The following CNTN1 variants were observed in gnomAD, a reference collection of about 807,000 sequenced individuals.
The protein encoded by CNTN1 is contactin-1.
A neutral mutation model predicts 126.4 loss-of-function variants in CNTN1; 38 were observed. That is an observed-to-expected ratio of 0.30 (90% CI 0.23 to 0.39). CNTN1 has a LOEUF of 0.39. Ranked by LOEUF, CNTN1 falls within the 10% of genes least tolerant of loss-of-function variation. The probability of loss-of-function intolerance (pLI) is 1.00; values close to 1 mark genes in which losing one functional copy is unlikely to be tolerated. For synonymous variants in CNTN1, 413 were observed against 422.6 expected, an observed-to-expected ratio of 0.98 and a Z score of 0.28; for missense variants, 1,009 against 1,248.4, an observed-to-expected ratio of 0.81 and a Z score of 2.89.
intron 1 of CNTN1, among the ~76,000 whole-genome samples, chr12:40,865,910 A>G (rs1486662701): frequency 6.6e-6 from 1 of 152,046 alleles, no homozygotes; most frequent in East Asian, 1.9e-4. Flanking sequence ...TACTCTTGGG[A>G]ATATTGACAT....
intron 1 of CNTN1, among the ~76,000 whole-genome samples, chr12:40,698,459 A>T (rs1941509686): frequency 6.6e-6 from 1 of 151,694 alleles, no homozygotes; most frequent in South Asian, 2.1e-4. Flanking sequence ...GATGGTCTTG[A>T]TCTCCTGACC....
intron 14 of CNTN1, among the ~76,000 whole-genome samples, chr12:40,955,858 G>A (rs2136995285): frequency 6.6e-6 from 1 of 152,158 alleles, no homozygotes; most frequent in South Asian, 2.1e-4. Context: ...AACATTCATA[G>A]CCAAGTAATG....
chr12:40,768,046 T>C (rs1473171441), intron 1 of CNTN1, among the ~76,000 whole-genome samples: 2 of 152,088 alleles, frequency 1.3e-5, no homozygotes, highest in Non-Finnish European at 2.9e-5. Flanking sequence ...CTGATAAAAA[T>C]AATTTTAAAA....
rs185082594 is a variant in CNTN1, at chr12:40,775,835, T to C, written c.-77+83243T>C. ...ATGCTAGAAACATTGCGGGGTAACATTGCCAAAAACAAGTAAGCAAACAAG... is the reference window on the plus strand; with the variant it reads ...ATGCTAGAAACATTGCGGGGTAACACTGCCAAAAACAAGTAAGCAAACAAG... On this transcript the variant is annotated intron_variant, in intron 1 of 23. Coordinates refer to ENST00000551295, the MANE Select transcript of CNTN1 (RefSeq NM_001843.4). 3.2e-3 allele frequency among the ~76,000 whole-genome samples: 487 copies of C among 151,674 alleles called. 5 individuals carry two copies. Among genetic ancestry groups the C allele is most frequent in the Non-Finnish European group, 3.9e-3 (264 of 67,646 alleles).
At chr12:40,696,127 A>G (rs1941445529) in intron 1 of CNTN1, among the ~76,000 whole-genome samples, 1 of 152,206 alleles carries the variant, frequency 6.6e-6, no homozygotes, top group Non-Finnish European at 1.5e-5. Flanking sequence ...GCCCATGGTA[A>G]TTACTCATAA....
chr12:40,777,570 C>A lies in CNTN1; in HGVS notation c.-77+84978C>A, dbSNP rs141905974. 5.0e-4 allele frequency among the ~76,000 whole-genome samples: 76 copies of A among 151,844 alleles called. No homozygotes were observed. The East Asian group carries it at 0.014, about 29-fold the overall frequency. On this transcript the variant is annotated intron_variant, in intron 1 of 23. Coordinates refer to ENST00000551295, the MANE Select transcript of CNTN1 (RefSeq NM_001843.4). ...AAAAGATTCCTTCTGTAATATACATCCTTCTTTTTAAAAAAGTCACAATGT... is the reference window on the plus strand; with the variant it reads ...AAAAGATTCCTTCTGTAATATACATACTTCTTTTTAAAAAAGTCACAATGT...
At chr12:40,962,917 A>G (rs1472913129) in intron 15 of CNTN1, among the ~76,000 whole-genome samples, 1 of 152,118 alleles carries the variant, frequency 6.6e-6, no homozygotes, top group Non-Finnish European at 1.5e-5. Context: ...TCTATAGTAT[A>G]GAGATTATTT....
At chr12:40,931,245 G>A (rs2136911968) in intron 7 of CNTN1, among the ~76,000 whole-genome samples, 1 of 152,022 alleles carries the variant, frequency 6.6e-6, no homozygotes, top group African/African-American at 2.4e-5. Flanking sequence ...ACACTTTGAA[G>A]TCCTTATTCT....
At chr12:40,987,108 C>G (rs898242727) in intron 16 of CNTN1, among the ~76,000 whole-genome samples, 3 of 152,030 alleles carry the variant, frequency 2.0e-5, no homozygotes, top group Non-Finnish European at 2.9e-5. Flanking sequence ...TCTCTTGTGA[C>G]TGCATCCTAA....
chr12:41,033,236 C>T (rs1479827452), intron 23 of CNTN1, among the ~76,000 whole-genome samples: 5 of 152,140 alleles, frequency 3.3e-5, no homozygotes, highest in Non-Finnish European at 7.4e-5. Context: ...AAATGTAACA[C>T]CACAAATGTT....
intron 1 of CNTN1, among the ~76,000 whole-genome samples, chr12:40,852,937 C>T (rs1193024627): frequency 6.6e-6 from 1 of 150,872 alleles, no homozygotes; most frequent in African/African-American, 2.4e-5. Context: ...ACTAGTTTTT[C>T]AAATGATCTT....
chr12:41,069,003 A>G (rs1164269464), intron 23 of CNTN1, among the ~76,000 whole-genome samples: 1 of 152,144 alleles, frequency 6.6e-6, no homozygotes, highest in Non-Finnish European at 1.5e-5. Flanking sequence ...AAAAAATAAT[A>G]ATTAATTTAT....
chr12:41,070,479 T>G lies in CNTN1; in HGVS notation c.*444T>G, dbSNP rs1337252478. ...AATGTAAGAGTAATACAGTCTCTTG[T>G]ACTTTCCTCACTGTTTTGGGTACTG... On this transcript the variant is annotated 3_prime_UTR_variant, in exon 24 of 24. Transcript: ENST00000551295. 1 of 208,354 alleles carries G rather than the reference T, an allele frequency of 4.8e-6. No individual in the cohort carries two copies. 12.9% of individuals were successfully genotyped at this position (208,354 alleles called of 1,614,324 possible).
intron 15 of CNTN1, among the ~76,000 whole-genome samples, chr12:40,959,880 C>G (rs537896602): frequency 6.6e-6 from 1 of 152,012 alleles, no homozygotes; most frequent in Non-Finnish European, 1.5e-5. Flanking sequence ...TAGTTTTGCA[C>G]CCAAGAAGTA....
intron 1 of CNTN1, among the ~76,000 whole-genome samples, chr12:40,892,512 C>A (rs1334708873): frequency 6.6e-6 from 1 of 152,016 alleles, no homozygotes; most frequent in Non-Finnish European, 1.5e-5. Flanking sequence ...AAAATGGAAT[C>A]ATTCCCAAAG....
intron 1 of CNTN1, among the ~76,000 whole-genome samples, chr12:40,806,997 T>A (rs969121619): frequency 3.3e-5 from 5 of 152,122 alleles, no homozygotes; most frequent in African/African-American, 1.2e-4. Flanking sequence ...TTATAGAACT[T>A]TTTTGACTAT....
chr12:40,839,734 A>G (rs1470156411), intron 1 of CNTN1, among the ~76,000 whole-genome samples: 3 of 152,200 alleles, frequency 2.0e-5, no homozygotes, highest in Non-Finnish European at 4.4e-5. Context: ...GAGGGAATCC[A>G]TAACCACTAG....
At chr12:40,747,879 A>T (rs1260632282) in intron 1 of CNTN1, among the ~76,000 whole-genome samples, 1 of 152,170 alleles carries the variant, frequency 6.6e-6, no homozygotes, top group Non-Finnish European at 1.5e-5. Context: ...AATTTGCATG[A>T]CTTCTTTCTC....
chr12:40,701,056 G>A (rs1591986801), intron 1 of CNTN1, among the ~76,000 whole-genome samples: 1 of 152,180 alleles, frequency 6.6e-6, no homozygotes, highest in Non-Finnish European at 1.5e-5. Flanking sequence ...GTGTTATTCA[G>A]CACCAACCCC....
Sources: gnomAD v4.1 joint callset for allele counts (sites outside exome capture counted in the v4.1 genomes callset) on GRCh38, gnomAD v4.1.1 for gene constraint, MANE v1.5 for transcripts, NCBI Gene and HGNC (gene_info 2026-07-23, HGNC 2026-07-21) for gene names.